LEPROT: variants seen among roughly 807,000 people sequenced by gnomAD.
LEPROT encodes the protein leptin receptor overlapping transcript.
Under a neutral mutation model 15.4 loss-of-function variants are expected in LEPROT, and 3 were observed. That is an observed-to-expected ratio of 0.19 (90% CI 0.09 to 0.50). The LOEUF is 0.50. LEPROT is among the 20% of genes least tolerant of loss of function. The pLI, the probability that LEPROT is intolerant of heterozygous loss-of-function variation, is 0.97. For missense variants in LEPROT, 137 were observed against 162.2 expected (o/e 0.84, Z 0.84); for synonymous variants, 59 against 57.5 (o/e 1.03, Z -0.12).
At chr1:65,428,916 T>G (rs934117916) in intron 2 of LEPROT, among the ~76,000 whole-genome samples, 1 of 152,148 alleles carries the variant, frequency 6.6e-6, no homozygotes, top group African/African-American at 2.4e-5. Flanking sequence ...AATTGTGAGC[T>G]CTTATAATGA....
chr1:65,429,364 A>G (rs982938726), intron 2 of LEPROT, among the ~76,000 whole-genome samples: 1 of 152,196 alleles, frequency 6.6e-6, no homozygotes, highest in African/African-American at 2.4e-5. Flanking sequence ...GATTAAGCAA[A>G]TGAAGGGAAA....
rs889668112 is a variant in LEPROT, at chr1:65,434,241, A to T, written c.*2322A>T. The stretch of plus-strand genomic sequence containing the variant: ...TAAACAGTAAATATTAATAGGAAAT[A>T]TTGCTATATCTGAATATATAATACA... On this transcript the variant is annotated 3_prime_UTR_variant, in exon 4 of 4. Transcript: ENST00000371065. 2.0e-6 allele frequency: 2 copies of T among 978,226 alleles called. No homozygotes were observed. The highest frequency in any genetic ancestry group is 2.4e-6 in the Non-Finnish European group (2 of 823,364). 60.6% of individuals were successfully genotyped at this position (978,226 alleles called of 1,614,324 possible).
intron 1 of LEPROT, among the ~76,000 whole-genome samples, chr1:65,421,031 T>C (rs933604103): frequency 6.6e-6 from 1 of 152,220 alleles, no homozygotes; most frequent in Non-Finnish European, 1.5e-5. Flanking sequence ...GCCCTCCACC[T>C]CTCCTGAGTT....
In LEPROT at chr1:65,426,871, G is replaced by A. The variant is rs532731607; in HGVS notation, c.92+1493G>A. Among the ~76,000 whole-genome samples the A allele has an allele frequency of 2.6e-4, 39 of 152,298 alleles. No individual in the cohort carries two copies. In the East Asian group the frequency reaches 3.3e-3, roughly 13 times the overall value. ...AAATTAGCTGGGCGTGGTGGCACACGCCTGTATTCCCAGCTACTTAGGAGG... is the reference window on the plus strand; with the variant it reads ...AAATTAGCTGGGCGTGGTGGCACACACCTGTATTCCCAGCTACTTAGGAGG... On this transcript the variant is annotated intron_variant, in intron 2 of 3. Coordinates refer to ENST00000371065, the MANE Select transcript of LEPROT (RefSeq NM_017526.5).
In LEPROT at chr1:65,426,618, G is replaced by A. The variant is rs1055614694; in HGVS notation, c.92+1240G>A. Among the ~76,000 whole-genome samples, 7 of 152,200 alleles carry A rather than the reference G, an allele frequency of 4.6e-5. No homozygotes were observed. The East Asian group carries it at 9.7e-4, about 21-fold the overall frequency. On this transcript the variant is annotated intron_variant, in intron 2 of 3. Coordinates refer to ENST00000371065, the MANE Select transcript of LEPROT (RefSeq NM_017526.5). The stretch of plus-strand genomic sequence containing the variant: ...AGTTAGGAAACCAAACCAACCAACA[G>A]GTTTTGTTCATCGATGTCAGGATTC...
chr1:65,424,628 A>G (rs2101677830), intron 1 of LEPROT, among the ~76,000 whole-genome samples: 1 of 152,354 alleles, frequency 6.6e-6, no homozygotes, highest in South Asian at 2.1e-4. Flanking sequence ...TGGGTGGCTT[A>G]AACAACAAAC....
At chr1:65,424,609 A>G (rs983339035) in intron 1 of LEPROT, among the ~76,000 whole-genome samples, 2 of 152,192 alleles carry the variant, frequency 1.3e-5, no homozygotes, top group Non-Finnish European at 2.9e-5. Context: ...TAAGAAATAT[A>G]TTTTAGACTG....
chr1:65,429,152 A>G (rs760600598), intron 2 of LEPROT, among the ~76,000 whole-genome samples: 5 of 152,198 alleles, frequency 3.3e-5, no homozygotes, highest in East Asian at 1.9e-4. Context: ...CCTGGGGTAC[A>G]TTAGAATAGA....
In LEPROT at chr1:65,425,389, A is replaced by G. The variant is rs751332691; in HGVS notation, c.92+11A>G. On this transcript the variant is annotated intron_variant, in intron 2 of 3. Transcript: ENST00000371065. Reference sequence around the variant, plus strand: ...CTTAGAGGATTATGGGTAAGTTATCATTTCAAAAAGAACTATTCCTCTTTC... The same window carrying G: ...CTTAGAGGATTATGGGTAAGTTATCGTTTCAAAAAGAACTATTCCTCTTTC... 2.5e-6 allele frequency: 4 copies of G among 1,589,370 alleles called. No individual in the cohort carries two copies. Among genetic ancestry groups the G allele is most frequent in the Non-Finnish European group, 3.4e-6 (4 of 1,171,562 alleles).
At chr1:65,423,265 G>A (rs994179405) in intron 1 of LEPROT, among the ~76,000 whole-genome samples, 2 of 152,066 alleles carry the variant, frequency 1.3e-5, no homozygotes, top group Non-Finnish European at 2.9e-5. Context: ...GCTTTGGGTT[G>A]AACATAAGTT....
chr1:65,429,816 TA>T (rs775974841), intron 2 of LEPROT, 45 bp from the exon 3 acceptor site: 35 of 1,357,742 alleles, frequency 2.6e-5, no homozygotes, highest in Non-Finnish European at 3.4e-5. Context: ...ATTTAAAATG[TA>T]ACTGTTACTT....
intron 3 of LEPROT, 109 bp downstream of exon 3, chr1:65,430,157 CGTGT>C: frequency 1.0e-6 from 1 of 989,262 alleles, no homozygotes; most frequent in Non-Finnish European, 1.4e-6. Context: ...TACTCAAGGC[CGTGT>C]GTTTTTAGTT....
At position 65,432,819 on chromosome 1, in the gene LEPROT, C is replaced by A; in HGVS notation, c.*900C>A. ...TAAGAGAGTAAATTTCTAATGTTCT[C>A]ATAAAAAAGTTAAATATTTGAGATC... On this transcript the variant is annotated 3_prime_UTR_variant, in exon 4 of 4. Transcript: ENST00000371065. 1.7e-6 allele frequency: 1 copy of A among 590,036 alleles called. No homozygotes were observed. The highest frequency in any genetic ancestry group is 2.1e-6 in the Non-Finnish European group (1 of 469,360). 36.6% of individuals were successfully genotyped at this position (590,036 alleles called of 1,614,324 possible).
chr1:65,433,021 A>G lies in LEPROT; in HGVS notation c.*1102A>G, dbSNP rs1197652460. ...AGATGTATCTTTTCATCTGAAAGAC[A>G]ATGCTGGGGGAAGAGCTCCACTGAG... On this transcript the variant is annotated 3_prime_UTR_variant, in exon 4 of 4. Transcript: ENST00000371065. The G allele has an allele frequency of 2.0e-6, 2 of 985,426 alleles. No homozygotes were observed. Among genetic ancestry groups the G allele is most frequent in the Non-Finnish European group, 2.4e-6 (2 of 829,900 alleles). The allele number at this position is 985,426 out of a possible 1,614,324, so 61.0% of individuals were successfully genotyped here.
intron 2 of LEPROT, among the ~76,000 whole-genome samples, chr1:65,428,364 C>G (rs913471179): frequency 1.3e-5 from 2 of 152,172 alleles, no homozygotes; most frequent in African/African-American, 4.8e-5. Context: ...TGTAAGGTGA[C>G]ATATCTATTC....
At chr1:65,429,020 A>T (rs1203656697) in intron 2 of LEPROT, among the ~76,000 whole-genome samples, 5 of 152,164 alleles carry the variant, frequency 3.3e-5, no homozygotes, top group African/African-American at 1.2e-4. Context: ...TCATTTAACA[A>T]GTATAAATGG....
chr1:65,422,067 A>G (rs1181945664), intron 1 of LEPROT, among the ~76,000 whole-genome samples: 3 of 152,158 alleles, frequency 2.0e-5, no homozygotes, highest in African/African-American at 7.2e-5. Context: ...GGGAGAACAG[A>G]TGGTGGGTTG....
rs1570418861 is a variant in LEPROT at position 65,425,725 on chromosome 1, C to T, written c.92+347C>T. On this transcript the variant is annotated intron_variant, in intron 2 of 3. Coordinates refer to ENST00000371065, the MANE Select transcript of LEPROT (RefSeq NM_017526.5). ...AATCTGGCAGCTGCAGTGGAGATGC[C>T]AGCACAGTACGCTGGAGCTCGGATA... 3.9e-5 allele frequency among the ~76,000 whole-genome samples: 6 copies of T among 152,284 alleles called. No homozygotes were observed. The South Asian group carries it at 1.2e-3, about 32-fold the overall frequency.
At chr1:65,430,237 A>C in intron 3 of LEPROT, 189 bp downstream of exon 3, 1 of 428,970 alleles carries the variant, frequency 2.3e-6, no homozygotes, top group South Asian at 8.4e-5. Flanking sequence ...TGCTTTCTTT[A>C]TTTCTCTTAC....
Sources: allele counts gnomAD v4.1 joint callset (sites outside exome capture counted in the v4.1 genomes callset), GRCh38; gene constraint gnomAD v4.1.1; transcripts MANE v1.5; gene names NCBI Gene and HGNC (gene_info 2026-07-23, HGNC 2026-07-21).